SLC35F1: variants seen among roughly 807,000 people sequenced by gnomAD.
The protein encoded by SLC35F1 is solute carrier family 35 member F1, also known as chromosome 6 open reading frame 169.
SLC35F1 carries 14 observed loss-of-function variants against 48.7 expected under a neutral mutation model. The ratio of observed to expected loss-of-function variants is 0.29; its 90% CI spans 0.19 to 0.45. The LOEUF (loss-of-function observed/expected upper bound fraction) is 0.45, where lower values mean the gene tolerates loss of function less well. Ranked by LOEUF, SLC35F1 falls within the 20% of genes least tolerant of loss-of-function variation. The pLI is 1.00. For synonymous variants in SLC35F1, 190 were observed against 202.2 expected, an observed-to-expected ratio of 0.94 and a Z score of 0.51; for missense variants, 404 against 500.0, an observed-to-expected ratio of 0.81 and a Z score of 1.83.
intron 3 of SLC35F1, among the ~76,000 whole-genome samples, chr6:118,259,198 G>A (rs2114612164): frequency 6.6e-6 from 1 of 151,924 alleles, no homozygotes; most frequent in East Asian, 1.9e-4. Context: ...AAAAGTTTAT[G>A]TTTGATATAA....
chr6:117,917,323 G>C (rs1775839278), intron 1 of SLC35F1, among the ~76,000 whole-genome samples: 1 of 152,040 alleles, frequency 6.6e-6, no homozygotes, highest in South Asian at 2.1e-4. Context: ...TGGGGAACAA[G>C]TGGAAGATTT....
At chr6:117,917,730 G>T (rs1445631446) in intron 1 of SLC35F1, among the ~76,000 whole-genome samples, 1 of 72,536 alleles carries the variant, frequency 1.4e-5, no homozygotes, top group African/African-American at 5.6e-5. Context: ...AAGAAAGCTG[G>T]AGTGTGGAAT....
At chr6:118,207,011 A>G (rs1774944558) in intron 2 of SLC35F1, among the ~76,000 whole-genome samples, 1 of 152,228 alleles carries the variant, frequency 6.6e-6, no homozygotes, top group African/African-American at 2.4e-5. Context: ...CAGTGAATGA[A>G]GGCTTCCTTT....
chr6:117,920,142 C>A (rs1024106488), intron 1 of SLC35F1, among the ~76,000 whole-genome samples: 2 of 152,206 alleles, frequency 1.3e-5, no homozygotes, highest in Non-Finnish European at 2.9e-5. Context: ...GCCGGGGAAA[C>A]ACTGCGCTCT....
At chr6:118,011,628 G>T (rs985152716) in intron 1 of SLC35F1, among the ~76,000 whole-genome samples, 4 of 152,174 alleles carry the variant, frequency 2.6e-5, no homozygotes, top group Admixed American at 6.5e-5. Flanking sequence ...ATAGGGTTGT[G>T]CTCCTATAAG....
chr6:117,999,280 C>T (rs1777049868), intron 1 of SLC35F1: 1 of 1,596,070 alleles, frequency 6.3e-7, no homozygotes, highest in Admixed American at 1.7e-5. Flanking sequence ...TTGCCCACCC[C>T]AAGCTTGGGA....
At chr6:118,029,863 CCA>C (rs1345976698) in intron 1 of SLC35F1, among the ~76,000 whole-genome samples, 1 of 152,150 alleles carries the variant, frequency 6.6e-6, no homozygotes, top group African/African-American at 2.4e-5. Flanking sequence ...CTATAGTATG[CCA>C]CAGTTTCCTA....
intron 1 of SLC35F1, among the ~76,000 whole-genome samples, chr6:118,019,262 A>G (rs1777361069): frequency 6.6e-6 from 1 of 152,014 alleles, no homozygotes; most frequent in South Asian, 2.1e-4. Context: ...TATTTTATAT[A>G]GTAGATAAAT....
intron 2 of SLC35F1, among the ~76,000 whole-genome samples, chr6:118,189,382 T>C (rs756222440): frequency 5.9e-5 from 9 of 152,378 alleles, no homozygotes; most frequent in East Asian, 5.8e-4. Flanking sequence ...CACCTTTTCA[T>C]ATATACTTGG....
At chr6:117,939,092 T>C (rs1776196890) in intron 1 of SLC35F1, among the ~76,000 whole-genome samples, 1 of 151,850 alleles carries the variant, frequency 6.6e-6, no homozygotes, top group Admixed American at 6.6e-5. Context: ...CTCAAAATCT[T>C]GAGCTCAAAT....
chr6:118,261,197 AACAGCCT>A (rs1562342856), intron 3 of SLC35F1, among the ~76,000 whole-genome samples: 2 of 152,240 alleles, frequency 1.3e-5, no homozygotes, highest in Non-Finnish European at 2.9e-5. Context: ...CACGAAGCCC[AACAGCCT>A]CACCTGTGGT....
intron 3 of SLC35F1, among the ~76,000 whole-genome samples, chr6:118,240,833 G>C (rs1022630343): frequency 6.6e-6 from 1 of 152,166 alleles, no homozygotes; most frequent in African/African-American, 2.4e-5. Flanking sequence ...TTCCGAGCAG[G>C]GTCGTGTCTG....
At chr6:118,026,833 T>C (rs1771955602) in intron 1 of SLC35F1, among the ~76,000 whole-genome samples, 1 of 152,194 alleles carries the variant, frequency 6.6e-6, no homozygotes, top group Non-Finnish European at 1.5e-5. Flanking sequence ...ATATAATTTA[T>C]GTACAGTAAA....
intron 1 of SLC35F1, among the ~76,000 whole-genome samples, chr6:118,016,409 C>G (rs1777322940): frequency 6.6e-6 from 1 of 152,102 alleles, no homozygotes; most frequent in South Asian, 2.1e-4. Context: ...TTGTTTCCCA[C>G]AAAAATGCTA....
intron 2 of SLC35F1, among the ~76,000 whole-genome samples, chr6:118,181,312 C>T (rs776594435): frequency 6.6e-6 from 1 of 152,052 alleles, no homozygotes; most frequent in Non-Finnish European, 1.5e-5. Flanking sequence ...TAGGCAAGAA[C>T]AGTATTCAAA....
In SLC35F1 at chr6:118,286,777, G is replaced by C. The variant is rs568226457; in HGVS notation, c.1002+1439G>C. Among the ~76,000 whole-genome samples the C allele has an allele frequency of 4.1e-5, 5 of 122,760 alleles. No individual in the cohort carries two copies. The South Asian group carries it at 1.0e-3, about 25-fold the overall frequency. 80.5% of individuals were successfully genotyped at this position (122,760 alleles called of 152,430 possible). On this transcript the variant is annotated intron_variant, in intron 7 of 7. Coordinates refer to ENST00000360388, the MANE Select transcript of SLC35F1 (RefSeq NM_001029858.4). ...CACCTCACATAGTTACCTTTTTTCT[G>C]TGTGTGTGTGTGTGTGTGTGTGTGT... is the stretch of plus-strand genomic sequence containing the variant.
intron 1 of SLC35F1, among the ~76,000 whole-genome samples, chr6:118,071,796 T>C (rs1392601750): frequency 6.6e-6 from 1 of 152,176 alleles, no homozygotes; most frequent in Non-Finnish European, 1.5e-5. Flanking sequence ...TGATGTCATC[T>C]AATTCTCATT....
chr6:118,016,580 AG>A (rs1777326033), intron 1 of SLC35F1, among the ~76,000 whole-genome samples: 1 of 151,928 alleles, frequency 6.6e-6, no homozygotes, highest in Non-Finnish European at 1.5e-5. Context: ...TCAATATTTT[AG>A]GGTAGAACTG....
At chr6:118,201,698 C>T (rs1173407939) in intron 2 of SLC35F1, among the ~76,000 whole-genome samples, 2 of 152,162 alleles carry the variant, frequency 1.3e-5, no homozygotes, top group Non-Finnish European at 1.5e-5. Context: ...AGTTGTACAA[C>T]TATCACGATA....
Sources: allele counts gnomAD v4.1 joint callset (sites outside exome capture counted in the v4.1 genomes callset), GRCh38; gene constraint gnomAD v4.1.1; transcripts MANE v1.5; gene names NCBI Gene and HGNC (gene_info 2026-07-23, HGNC 2026-07-21).